PREX1: variants seen among roughly 807,000 people sequenced by gnomAD.
The protein encoded by PREX1 is phosphatidylinositol-3,4,5-trisphosphate dependent Rac exchange factor 1.
A neutral mutation model predicts 198.3 loss-of-function variants in PREX1; 41 were observed. The ratio of observed to expected loss-of-function variants is 0.21; its 90% CI spans 0.16 to 0.27. The LOEUF (loss-of-function observed/expected upper bound fraction) is 0.27, where lower values mean the gene tolerates loss of function less well. Among genes scored for constraint, PREX1 ranks in the 10% least tolerant of loss-of-function variants. The probability of loss-of-function intolerance (pLI) is 1.00; values close to 1 mark genes in which losing one functional copy is unlikely to be tolerated. For missense variants in PREX1, 1,620 were observed against 2,200.7 expected (o/e 0.74, Z 5.28); for synonymous variants, 843 against 887.2 (o/e 0.95, Z 0.89).
chr20:48,844,287 C>T, the PREX1 span, among the ~76,000 whole-genome samples: 1 of 152,176 alleles, frequency 6.6e-6, no homozygotes, highest in Non-Finnish European at 1.5e-5. Context: ...CTTGCACGGC[C>T]ATGTTCTACT....
the PREX1 span, among the ~76,000 whole-genome samples, chr20:48,847,436 A>G: frequency 6.6e-6 from 1 of 151,808 alleles, no homozygotes; most frequent in African/African-American, 2.4e-5. Flanking sequence ...AGAGACACAT[A>G]TGCTTTATCT....
At position 48,691,184 on chromosome 20, in the gene PREX1, C is replaced by A; in HGVS notation, c.1037-88G>T. The A allele has an allele frequency of 1.3e-6, 2 of 1,536,076 alleles. No homozygotes were observed. Among genetic ancestry groups the A allele is most frequent in the Non-Finnish European group, 1.8e-6 (2 of 1,115,868 alleles). On this transcript the variant is annotated intron_variant, in intron 8 of 39. Coordinates refer to ENST00000371941, the MANE Select transcript of PREX1 (RefSeq NM_020820.4). This position sits in a 1 kb window ranked among gnomAD's most constrained non-coding sequence, Gnocchi z 5.0. ...ATTGCCAAGCCCTTCCGCCCCAGCA[C>A]AGGCAGGGCCCTCGCCTGGATCAGG...
chr20:48,852,974 T>C, the PREX1 span, among the ~76,000 whole-genome samples: 12 of 152,012 alleles, frequency 7.9e-5, no homozygotes, highest in Non-Finnish European at 1.8e-4. Flanking sequence ...GGTGGGTATG[T>C]GGGGAATATT....
In PREX1 at chr20:48,727,777, C is replaced by A. The variant is rs560363509; in HGVS notation, c.520-1386G>T. ...CACCAAGGCCATCCCTGCCACCCAA[C>A]CTGCTCTCAATTCCCAGGACTTCTT... On this transcript the variant is annotated intron_variant, in intron 4 of 39. Transcript: ENST00000371941. Among the ~76,000 whole-genome samples, 3 of 152,310 alleles carry A rather than the reference C, an allele frequency of 2.0e-5. No homozygotes were observed. In the South Asian group the frequency reaches 6.2e-4, roughly 32 times the overall value.
At chr20:48,826,812 T>C (rs1044693843) in intron 1 of PREX1, among the ~76,000 whole-genome samples, 5 of 152,096 alleles carry the variant, frequency 3.3e-5, no homozygotes, top group African/African-American at 9.7e-5. Context: ...TGAACCGAGA[T>C]TGCGCCACTG....
Position 48,653,375 on chromosome 20 carries a change from G to A in PREX1, c.2332C>T (p.Arg778Cys), listed in dbSNP as rs745938338. Residue 778 changes from arginine (R) to cysteine (C), a missense_variant, in exon 20 of 40, where the codon CGC (arginine) becomes TGC (cysteine). By Grantham distance (180) the Arg-to-Cys change is radical. Coordinates refer to ENST00000371941, the MANE Select transcript of PREX1 (RefSeq NM_020820.4). ...LEHFQAFRSR[R>C]EEALGLYQWI... ...AGTAAACTTACCAGGGCCTCTTCGCGCCGACTCCGGAATGCCTGGAAGTGC... is the reference window on the plus strand; with the variant it reads ...AGTAAACTTACCAGGGCCTCTTCGCACCGACTCCGGAATGCCTGGAAGTGC... The A allele has an allele frequency of 3.2e-5, 52 of 1,613,270 alleles. No homozygotes were observed. Among genetic ancestry groups the A allele is most frequent in the East Asian group, 6.7e-5 (3 of 44,852 alleles).
In PREX1 at chr20:48,801,338, C is replaced by T. The variant is rs117300398; in HGVS notation, c.219+26304G>A. Among the ~76,000 whole-genome samples, 9 of 152,326 alleles carry T rather than the reference C, an allele frequency of 5.9e-5. No individual in the cohort carries two copies. In the East Asian group the frequency reaches 1.2e-3, roughly 20 times the overall value. On this transcript the variant is annotated intron_variant, in intron 1 of 39. Coordinates refer to ENST00000371941, the MANE Select transcript of PREX1 (RefSeq NM_020820.4). ...GTCTAATTCTGAGAAGCTGGCCAGT[C>T]GGGCTCTCCCTCTTGCTGAGAAAAT...
intron 1 of PREX1, among the ~76,000 whole-genome samples, chr20:48,794,985 C>T (rs1049469456): frequency 1.3e-5 from 2 of 152,170 alleles, no homozygotes; most frequent in African/African-American, 2.4e-5. Flanking sequence ...CACATGTCAA[C>T]TATTATTGCA....
chr20:48,664,986 C>CT (rs2089626518), intron 15 of PREX1, among the ~76,000 whole-genome samples: 1 of 137,456 alleles, frequency 7.3e-6, no homozygotes, highest in Non-Finnish European at 1.6e-5. Context: ...CTAATCCCGC[C>CT]CCAGACGGCC....
At chr20:48,887,819 G>A in the PREX1 span, among the ~76,000 whole-genome samples, 21,325 of 151,340 alleles carry the variant, frequency 0.14, 1,556 homozygotes, top group African/African-American at 0.16. Flanking sequence ...GCGTGGTGGC[G>A]GGCTCCTGTA....
At position 48,709,774 on chromosome 20, in the gene PREX1, C is replaced by G. The variant is rs536418973; in HGVS notation, c.622-1353G>C. 2.0e-5 allele frequency among the ~76,000 whole-genome samples: 3 copies of G among 152,352 alleles called. No homozygotes were observed. The South Asian group carries it at 6.2e-4, about 32-fold the overall frequency. The stretch of plus-strand genomic sequence containing the variant: ...TCAATATATGCGAGCCATTAGCATT[C>G]TCCTTGCTGTATGACAACACGCTAG... On this transcript the variant is annotated intron_variant, in intron 5 of 39. Transcript: ENST00000371941.
chr20:48,672,176 G>A (rs1433472986), intron 14 of PREX1, among the ~76,000 whole-genome samples: 1 of 152,156 alleles, frequency 6.6e-6, no homozygotes, highest in African/African-American at 2.4e-5. Flanking sequence ...CCAGGGTGAA[G>A]GCCTGAGCCT....
intron 30 of PREX1, 42 bp from the exon 31 acceptor site, chr20:48,637,794 G>A (rs1415228164): frequency 6.4e-7 from 1 of 1,566,458 alleles, no homozygotes. Flanking sequence ...GGGCTGGGAG[G>A]GGGCAGCAAG....
At chr20:48,639,125 G>A (rs922896522) in intron 30 of PREX1, among the ~76,000 whole-genome samples, 3 of 152,238 alleles carry the variant, frequency 2.0e-5, no homozygotes, top group Non-Finnish European at 4.4e-5. Flanking sequence ...TGTAAGATGC[G>A]TGGAGCAGAC....
upstream of PREX1, among the ~76,000 whole-genome samples, chr20:48,832,003 C>T (rs2123103783): frequency 6.6e-6 from 1 of 152,224 alleles, no homozygotes; most frequent in East Asian, 1.9e-4. Flanking sequence ...TCCCCATCAC[C>T]CGTCCGGAAT....
At chr20:48,766,604 A>G (rs1184775080) in intron 1 of PREX1, among the ~76,000 whole-genome samples, 1 of 152,126 alleles carries the variant, frequency 6.6e-6, no homozygotes, top group Non-Finnish European at 1.5e-5. Flanking sequence ...TTCAAGTCTC[A>G]CATTCCCTGC....
chr20:48,748,017 G>A (rs529394882), intron 1 of PREX1, 137 bp from the exon 2 acceptor site: 81 of 735,984 alleles, frequency 1.1e-4, no homozygotes, highest in African/African-American at 7.4e-4. Flanking sequence ...GGCAGAGGAC[G>A]AGGAAAAACG....
In PREX1 at chr20:48,676,048, A is replaced by G. The variant is rs530034687; in HGVS notation, c.1665+145T>C. On this transcript the variant is annotated intron_variant, in intron 14 of 39. Transcript: ENST00000371941. ...CAAGACTCTGTCTCAAGAAAAAAAA[A>G]AAAAAGATCAAGATGGTAAATTTTA... 58 of 879,510 alleles carry G rather than the reference A, an allele frequency of 6.6e-5. No individual in the cohort carries two copies. The East Asian group carries it at 1.4e-3, about 21-fold the overall frequency. The allele number at this position is 879,510 out of a possible 1,614,324, so 54.5% of individuals were successfully genotyped here.
intron 5 of PREX1, among the ~76,000 whole-genome samples, chr20:48,724,385 A>G (rs1237764320): frequency 6.6e-6 from 1 of 152,190 alleles, no homozygotes; most frequent in East Asian, 1.9e-4. Flanking sequence ...CATGAACCCT[A>G]TGTTTCAATG....
Sources: gnomAD v4.1 joint callset for allele counts (sites outside exome capture counted in the v4.1 genomes callset) on GRCh38, gnomAD v4.1.1 for gene constraint, Gnocchi (gnomAD v3.1) non-coding constraint, MANE v1.5 for transcripts, NCBI Gene and HGNC (gene_info 2026-07-23, HGNC 2026-07-21) for gene names.